DOCK9: variants seen among roughly 807,000 people sequenced by gnomAD.
The protein encoded by DOCK9 is dedicator of cytokinesis protein 9.
In DOCK9, 89 loss-of-function variants were observed where a neutral mutation model predicts 263.3. The ratio of observed to expected loss-of-function variants is 0.34; its 90% CI spans 0.28 to 0.40. The LOEUF (loss-of-function observed/expected upper bound fraction) is 0.40. Among genes scored for constraint, DOCK9 ranks in the 10% least tolerant of loss-of-function variants. The pLI, the probability that DOCK9 is intolerant of heterozygous loss-of-function variation, is 1.00. For synonymous variants in DOCK9, 976 were observed against 973.1 expected (o/e 1.00, Z -0.06); for missense variants, 2,140 against 2,603.4 (o/e 0.82, Z 3.87).
At chr13:99,015,210 C>G (rs533586428) in intron 1 of DOCK9, among the ~76,000 whole-genome samples, 1 of 152,204 alleles carries the variant, frequency 6.6e-6, no homozygotes, top group East Asian at 1.9e-4. Flanking sequence ...GAAAACTATT[C>G]TTTAATAAAA....
chr13:98,935,831 G>A (rs140043042), intron 2 of DOCK9, among the ~76,000 whole-genome samples: 389 of 152,224 alleles, frequency 2.6e-3, no homozygotes, highest in African/African-American at 8.7e-3. Flanking sequence ...ACCCATGGGG[G>A]AGGGGAGGAC....
chr13:99,079,229 G>A (rs202168693), intron 1 of DOCK9, among the ~76,000 whole-genome samples: 1 of 152,280 alleles, frequency 6.6e-6, no homozygotes, highest in Non-Finnish European at 1.5e-5. Context: ...GGCAAATATT[G>A]TTTCTAAGCT....
Position 98,826,890 on chromosome 13 carries a change from A to G in DOCK9, c.4966-3T>C, listed in dbSNP as rs778993731. 4.9e-5 allele frequency: 78 copies of G among 1,607,262 alleles called. No homozygotes were observed. The East Asian group carries it at 5.4e-4, about 11-fold the overall frequency. On this transcript the variant is annotated splice_polypyrimidine_tract_variant and splice_region_variant and intron_variant, in intron 43 of 52. Transcript: ENST00000682017. ...ACGTGGACATAGCACATTGCTGCCTATAATAGAAGACACATGCCTCAGAAT... is the reference window on the plus strand; with the variant it reads ...ACGTGGACATAGCACATTGCTGCCTGTAATAGAAGACACATGCCTCAGAAT...
intron 38 of DOCK9, among the ~76,000 whole-genome samples, chr13:98,844,034 T>C (rs1345522671): frequency 6.6e-6 from 1 of 152,250 alleles, no homozygotes; most frequent in African/African-American, 2.4e-5. Context: ...CTCTGTGTTA[T>C]AGAAATTATC....
chr13:98,876,010 T>C (rs1182741948), intron 27 of DOCK9, among the ~76,000 whole-genome samples: 1 of 152,142 alleles, frequency 6.6e-6, no homozygotes, highest in Non-Finnish European at 1.5e-5. Context: ...TTGAATGGAC[T>C]CACTCGACTA....
intron 1 of DOCK9, among the ~76,000 whole-genome samples, chr13:99,066,689 T>C (rs1338861930): frequency 6.6e-6 from 1 of 152,192 alleles, no homozygotes; most frequent in African/African-American, 2.4e-5. Flanking sequence ...TGCCCTGTTT[T>C]CCCTAGTTAG....
chr13:99,039,439 C>T (rs1477239020), intron 1 of DOCK9, among the ~76,000 whole-genome samples: 2 of 152,080 alleles, frequency 1.3e-5, no homozygotes, highest in Non-Finnish European at 2.9e-5. Context: ...TAAAGGAAAA[C>T]CCTGCTCTTA....
chr13:99,051,535 C>T (rs901368841), intron 1 of DOCK9, among the ~76,000 whole-genome samples: 4 of 152,074 alleles, frequency 2.6e-5, no homozygotes, highest in African/African-American at 9.7e-5. Context: ...AAGAAAAATA[C>T]ATCTTTTCAA....
intron 10 of DOCK9, among the ~76,000 whole-genome samples, chr13:98,903,863 GT>G (rs1181067309): frequency 6.6e-6 from 1 of 152,180 alleles, no homozygotes; most frequent in Non-Finnish European, 1.5e-5. Context: ...AACATGTTAA[GT>G]TTAAGAAGCC....
Position 98,901,807 on chromosome 13 carries a change from G to T in DOCK9, c.1474C>A (p.Pro492Thr). Residue 492 changes from proline to threonine, a missense_variant, in exon 13 of 53, where the codon CCA becomes ACA. Around this residue, in one of 2 missense-constraint regions of DOCK9, gnomAD observed 1,521 missense variants for 1,741.7 expected, o/e 0.87. Transcript: ENST00000682017. ...GAAGAGTCTGAACTTTTCATATATG[G>T]CTCAGCGCAATGTGTGATGCTCCCC... ...LQGSITHCAE[P>T]YMKSSDSSKV... The T allele has an allele frequency of 6.2e-7, 1 of 1,612,564 alleles. No individual in the cohort carries two copies. Among genetic ancestry groups the T allele is most frequent in the Non-Finnish European group, 8.5e-7 (1 of 1,179,282 alleles).
intron 18 of DOCK9, 138 bp downstream of exon 18, chr13:98,888,020 C>T (rs2046054696): frequency 1.1e-5 from 7 of 622,954 alleles, no homozygotes; most frequent in Middle Eastern, 4.3e-4. Flanking sequence ...TATGTTTATA[C>T]ATTGTAACAT....
intron 1 of DOCK9, among the ~76,000 whole-genome samples, chr13:99,042,750 A>T (rs1457404869): frequency 2.0e-5 from 3 of 152,236 alleles, no homozygotes; most frequent in Non-Finnish European, 4.4e-5. Flanking sequence ...CAGTTATATA[A>T]ATGGGCCAAA....
chr13:98,794,599 TCC>T lies in DOCK9; in HGVS notation c.*25_*26del, dbSNP rs1312526794. 2 of 1,559,720 alleles carry T rather than the reference TCC, an allele frequency of 1.3e-6. No homozygotes were observed. The highest frequency in any genetic ancestry group is 2.7e-5 in the African/African-American group (2 of 73,516). Reference sequence around the variant, plus strand: ...CTGAGTTTGCAAATGACAAAGCAAGTCCCCACACACGGGCCATGAGATGTAAT... The same window carrying T: ...CTGAGTTTGCAAATGACAAAGCAAGTCCACACACGGGCCATGAGATGTAAT... On this transcript the variant is annotated 3_prime_UTR_variant, in exon 53 of 53. Transcript: ENST00000682017.
At chr13:98,847,365 G>T (rs1044068431) in intron 37 of DOCK9, 1 of 152,178 alleles carries the variant, frequency 6.6e-6, no homozygotes, top group African/African-American at 2.4e-5. Flanking sequence ...AGGACACCTT[G>T]TATATACTTG....
rs537602301 is a variant in DOCK9, at chr13:98,932,613, C to T, written c.244-2356G>A. On this transcript the variant is annotated intron_variant, in intron 2 of 52. Transcript: ENST00000682017. ...TCAAACCTCTGCTCCCTTATCCCTCCAGCCTAGGTGGAGAACTTCAGGGCA... is the reference window on the plus strand; with the variant it reads ...TCAAACCTCTGCTCCCTTATCCCTCTAGCCTAGGTGGAGAACTTCAGGGCA... 4.6e-5 allele frequency among the ~76,000 whole-genome samples: 7 copies of T among 152,288 alleles called. No individual in the cohort carries two copies. The East Asian group carries it at 1.4e-3, about 29-fold the overall frequency.
intron 1 of DOCK9, among the ~76,000 whole-genome samples, chr13:99,084,307 C>T (rs945495156): frequency 2.6e-5 from 4 of 152,242 alleles, no homozygotes; most frequent in African/African-American, 9.6e-5. Context: ...CATCACAATG[C>T]ATTTCCTATT....
At chr13:98,845,413 TC>T in intron 38 of DOCK9, 1 of 1,298,328 alleles carries the variant, frequency 7.7e-7, no homozygotes, top group Admixed American at 2.3e-5. Context: ...TGGATGCTTT[TC>T]CACACCCTCA....
chr13:99,010,505 A>G (rs1386944148), intron 1 of DOCK9, among the ~76,000 whole-genome samples: 1 of 152,144 alleles, frequency 6.6e-6, no homozygotes, highest in Admixed American at 6.5e-5. Context: ...ATTTTTGTAC[A>G]CTCAGCACAC....
intron 1 of DOCK9, among the ~76,000 whole-genome samples, chr13:99,007,678 G>A (rs1285247305): frequency 6.6e-6 from 1 of 152,182 alleles, no homozygotes; most frequent in Non-Finnish European, 1.5e-5. Flanking sequence ...GAATGCTCAT[G>A]ATCATGCTTC....
Sources: allele counts gnomAD v4.1 joint callset (sites outside exome capture counted in the v4.1 genomes callset), GRCh38; gene constraint gnomAD v4.1.1; regional missense constraint gnomAD v4.1.1; transcripts MANE v1.5; gene names NCBI Gene and HGNC (gene_info 2026-07-23, HGNC 2026-07-21).